TMEM222: variants seen among roughly 807,000 people sequenced by gnomAD.
TMEM222 encodes the protein chromosome 1 open reading frame 160.
TMEM222 carries 18 observed loss-of-function variants against 25.1 expected under a neutral mutation model. The ratio of observed to expected loss-of-function variants is 0.72; its 90% CI spans 0.50 to 1.06. The LOEUF (loss-of-function observed/expected upper bound fraction) is 1.06, where lower values mean the gene tolerates loss of function less well. Ranked by LOEUF, TMEM222 falls within the 50% of genes least tolerant of loss-of-function variation. TMEM222 has a pLI of 0.00. For missense variants in TMEM222, 296 were observed against 293.7 expected (o/e 1.01, Z -0.06); for synonymous variants, 131 against 117.9 (o/e 1.11, Z -0.72).
intron 1 of TMEM222, chr1:27,325,537 G>T (rs1172110128): frequency 7.1e-7 from 1 of 1,408,080 alleles, no homozygotes; most frequent in Admixed American, 1.7e-5. Context: ...GTAGACATCC[G>T]CAAAGACCTG....
intron 3 of TMEM222, chr1:27,333,181 G>T (rs1571013247): frequency 5.3e-6 from 2 of 380,120 alleles, no homozygotes; most frequent in East Asian, 1.5e-4. Flanking sequence ...AGCCTTAGCT[G>T]CCAGCATTCC....
At chr1:27,335,108 G>A (rs974361531) in intron 5 of TMEM222, 1 of 535,264 alleles carries the variant, frequency 1.9e-6, no homozygotes, top group Non-Finnish European at 3.4e-6. Context: ...CCTAGAAATG[G>A]GGAGCATGTT....
In TMEM222 at chr1:27,335,529, T is replaced by A; in HGVS notation, c.*63T>A. On this transcript the variant is annotated 3_prime_UTR_variant, in exon 6 of 6. Transcript: ENST00000374076. ...GGAAACAGCCGCCATCCCTTTTGGT[T>A]CCAGATTTTTTTCTCCTCACCCCAA... 1 of 1,563,334 alleles carries A rather than the reference T, an allele frequency of 6.4e-7. No individual in the cohort carries two copies. The highest frequency in any genetic ancestry group is 1.1e-5 in the South Asian group (1 of 89,690).
intron 2 of TMEM222, chr1:27,331,154 G>T: frequency 8.7e-7 from 1 of 1,146,622 alleles, no homozygotes; most frequent in South Asian, 2.5e-5. Flanking sequence ...GTCAAGGTGG[G>T]GGGACACGGG....
chr1:27,325,583 G>T (rs1300929354), intron 1 of TMEM222: 1 of 1,040,872 alleles, frequency 9.6e-7, no homozygotes, highest in Admixed American at 1.7e-5. Flanking sequence ...GCACCACCAT[G>T]TACCCGGGCA....
intron 1 of TMEM222, among the ~76,000 whole-genome samples, chr1:27,328,472 T>C (rs977008068): frequency 3.9e-5 from 6 of 152,216 alleles, no homozygotes; most frequent in East Asian, 1.9e-4. Context: ...AAGACCACTC[T>C]GGCCCTACCA....
rs1014929176 is a variant in TMEM222, at chr1:27,334,773, G to A, written c.539+492G>A. 44 of 1,143,762 alleles carry A rather than the reference G, an allele frequency of 3.8e-5. No homozygotes were observed. The African/African-American group carries it at 5.1e-4, about 13-fold the overall frequency. 70.9% of individuals were successfully genotyped at this position (1,143,762 alleles called of 1,614,324 possible). On this transcript the variant is annotated intron_variant, in intron 5 of 5. Coordinates refer to ENST00000374076, the MANE Select transcript of TMEM222 (RefSeq NM_032125.3). ...AGCATAGGTTAGTGCTGATCTGGCC[G>A]CCTCTCCAAGCTTTCCTCTTAGCCA... is the stretch of plus-strand genomic sequence containing the variant.
chr1:27,332,234 A>G lies in TMEM222; in HGVS notation c.311+133A>G. On this transcript the variant is annotated intron_variant, in intron 3 of 5. Coordinates refer to ENST00000374076, the MANE Select transcript of TMEM222 (RefSeq NM_032125.3). ...TTTGGGGTCGGGGGAGAGGTCAGCC[A>G]GGGTCCACCAGAGCATGGCAACCCC... 6.6e-6 allele frequency: 7 copies of G among 1,057,952 alleles called. 1 individual carries two copies. In the South Asian group the frequency reaches 9.1e-5, roughly 14 times the overall value. The allele number at this position is 1,057,952 out of a possible 1,614,324, so 65.5% of individuals were successfully genotyped here. A position where few individuals can be genotyped will look rare whatever the true frequency, so the allele number is the denominator to read the frequency against.
At chr1:27,331,950 C>G in intron 2 of TMEM222, 120 bp from the exon 3 acceptor site, 10 of 767,060 alleles carry the variant, frequency 1.3e-5, no homozygotes, top group Non-Finnish European at 1.4e-5. Flanking sequence ...GGCCCCACTT[C>G]TGGCCCCCCC....
intron 3 of TMEM222, chr1:27,332,359 G>A (rs2014502134): frequency 1.4e-6 from 1 of 716,222 alleles, no homozygotes; most frequent in East Asian, 2.7e-5. Context: ...CAACTCCATG[G>A]CAAGGGTGAG....
chr1:27,322,583 C>G (rs974277714), intron 1 of TMEM222, among the ~76,000 whole-genome samples, 192 bp downstream of exon 1: 1 of 152,246 alleles, frequency 6.6e-6, no homozygotes, highest in Admixed American at 6.5e-5. Flanking sequence ...ACGCTCCCTG[C>G]TCTCAATACA....
chr1:27,325,461 T>G lies in TMEM222; in HGVS notation c.194+3070T>G, dbSNP rs2014319455. ...GTGTCCGGAGGCGCTGTTCCAGCCTTCCTTCCTGGGTATGGAATCTTGCGG... is the reference window on the plus strand; with the variant it reads ...GTGTCCGGAGGCGCTGTTCCAGCCTGCCTTCCTGGGTATGGAATCTTGCGG... On this transcript the variant is annotated intron_variant, in intron 1 of 5. Transcript: ENST00000374076. 5.9e-6 allele frequency: 8 copies of G among 1,364,968 alleles called. No individual in the cohort carries two copies. In the Admixed American group the frequency reaches 8.4e-5, roughly 14 times the overall value. 84.6% of individuals were successfully genotyped at this position (1,364,968 alleles called of 1,614,324 possible).
chr1:27,329,129 C>T (rs114683822), intron 1 of TMEM222, among the ~76,000 whole-genome samples: 4,907 of 152,042 alleles, frequency 0.032, 95 homozygotes, highest in Middle Eastern at 0.049. Context: ...TACCCTTGCA[C>T]ATTCTGTTTC....
At chr1:27,333,431 A>G (rs1425661408) in intron 3 of TMEM222, 2 of 470,780 alleles carry the variant, frequency 4.2e-6, no homozygotes, top group Non-Finnish European at 8.8e-6. Flanking sequence ...AATCTCATCA[A>G]TTGGGTATCT....
At chr1:27,324,325 A>C (rs531026425) in intron 1 of TMEM222, among the ~76,000 whole-genome samples, 4 of 151,882 alleles carry the variant, frequency 2.6e-5, no homozygotes, top group East Asian at 3.9e-4. Context: ...ACTCCGTTTC[A>C]AAAAAAAAGA....
At chr1:27,332,003 C>A in intron 2 of TMEM222, 67 bp from the exon 3 acceptor site, 1 of 1,573,758 alleles carries the variant, frequency 6.4e-7, no homozygotes, top group Non-Finnish European at 8.7e-7. Flanking sequence ...CTTCTGCCAC[C>A]TACCCAGGTT....
intron 1 of TMEM222, among the ~76,000 whole-genome samples, chr1:27,329,529 T>C (rs571884629): frequency 3.1e-4 from 47 of 152,266 alleles, no homozygotes; most frequent in African/African-American, 1.1e-3. Context: ...AAGCCTGTGT[T>C]GTGTGTAGCA....
chr1:27,334,299 C>A lies in TMEM222; in HGVS notation c.539+18C>A. 1 of 1,613,918 alleles carries A rather than the reference C, an allele frequency of 6.2e-7. No homozygotes were observed. The highest frequency in any genetic ancestry group is 8.5e-7 in the Non-Finnish European group (1 of 1,179,854). ...TACGTCAGGTGAGCTGCCCTCCTGC[C>A]TGCCCACCCACACACTGCCCAGAGG... On this transcript the variant is annotated intron_variant, in intron 5 of 5. Coordinates refer to ENST00000374076, the MANE Select transcript of TMEM222 (RefSeq NM_032125.3).
Position 27,335,423 on chromosome 1 carries a change from T to A in TMEM222, c.584T>A (p.Leu195Gln). The A allele has an allele frequency of 6.2e-7, 1 of 1,614,222 alleles. No homozygotes were observed. Among genetic ancestry groups the A allele is most frequent in the African/African-American group, 1.3e-5 (1 of 75,064 alleles). ...VKTWLPFILL[L>Q]GIILTVSLVF... ...ACCTGGCTGCCCTTCATCCTTCTCC[T>A]GGGCATCATCCTCACCGTCAGCCTG... is the stretch of plus-strand genomic sequence containing the variant. The change falls in exon 6 of 6, where the codon CTG (leucine) becomes CAG (glutamine). Residue 195 changes from leucine (L) to glutamine (Q), a missense_variant. Physicochemically the swap from Leu to Gln is moderately radical, Grantham distance 113. Coordinates refer to ENST00000374076, the MANE Select transcript of TMEM222 (RefSeq NM_032125.3).
Sources: allele counts gnomAD v4.1 joint callset (sites outside exome capture counted in the v4.1 genomes callset), GRCh38; gene constraint gnomAD v4.1.1; transcripts MANE v1.5; gene names NCBI Gene and HGNC (gene_info 2026-07-23, HGNC 2026-07-21).